TMEM163: variants seen among roughly 807,000 people sequenced by gnomAD.
The protein encoded by TMEM163 is transmembrane protein 163.
A neutral mutation model predicts 29.3 loss-of-function variants in TMEM163; 17 were observed. The observed-to-expected ratio is 0.58, with a 90% CI of 0.40 to 0.87. The LOEUF (loss-of-function observed/expected upper bound fraction) is 0.87. TMEM163 is among the 40% of genes least tolerant of loss of function. TMEM163 has a pLI of 0.00. For synonymous variants in TMEM163, 157 were observed against 160.6 expected, an observed-to-expected ratio of 0.98 and a Z score of 0.17; for missense variants, 303 against 381.5, an observed-to-expected ratio of 0.79 and a Z score of 1.71.
chr2:134,678,460 C>A (rs145103740), intron 2 of TMEM163, among the ~76,000 whole-genome samples: 337 of 152,338 alleles, frequency 2.2e-3, no homozygotes, highest in Non-Finnish European at 2.6e-3. Flanking sequence ...AGGCTTTTGT[C>A]TTTCTGTAAA....
intron 1 of TMEM163, 36 bp downstream of exon 1, chr2:134,718,679 GCGGGCCCCGAGCAGCCACC>G (rs1281448003): frequency 9.0e-7 from 1 of 1,106,706 alleles, no homozygotes; most frequent in Non-Finnish European, 1.1e-6. Context: ...GTGGGGAGAG[GCGGGCCCCGAGCAGCCACC>G]CCGGTCGCCG....
At chr2:134,491,370 G>GT (rs1679426836) in intron 5 of TMEM163, among the ~76,000 whole-genome samples, 1 of 152,084 alleles carries the variant, frequency 6.6e-6, no homozygotes, top group Non-Finnish European at 1.5e-5. Flanking sequence ...GGGGTGGGGA[G>GT]TTCACCCCAT....
chr2:134,455,992 ATTATAT>A lies in TMEM163; in HGVS notation c.*718_*723del, dbSNP rs901418672. On this transcript the variant is annotated 3_prime_UTR_variant, in exon 8 of 8. Coordinates refer to ENST00000281924, the MANE Select transcript of TMEM163 (RefSeq NM_030923.5). ...TATAGATATATGCATATACGGATAG[ATTATAT>A]TTATTTATTACAAATAAACTGTAGT... is the stretch of plus-strand genomic sequence containing the variant. 11 of 152,688 alleles carry A rather than the reference ATTATAT, an allele frequency of 7.2e-5. No homozygotes were observed. The highest frequency in any genetic ancestry group is 7.3e-5 in the Non-Finnish European group (5 of 68,108). 9.5% of individuals were successfully genotyped at this position (152,688 alleles called of 1,614,324 possible). A position where few individuals can be genotyped will look rare whatever the true frequency, so the allele number is the denominator to read the frequency against.
At chr2:134,631,658 G>A (rs60911848) in intron 2 of TMEM163, among the ~76,000 whole-genome samples, 13,059 of 152,186 alleles carry the variant, frequency 0.086, 640 homozygotes, top group South Asian at 0.17. Context: ...TGGGTTCTTC[G>A]TGTTCCATCA....
chr2:134,576,363 C>T (rs1161696219), intron 2 of TMEM163, among the ~76,000 whole-genome samples: 1 of 152,150 alleles, frequency 6.6e-6, no homozygotes, highest in African/African-American at 2.4e-5. Context: ...GCCACAAGGG[C>T]CTGGTATGGC....
intron 2 of TMEM163, among the ~76,000 whole-genome samples, chr2:134,605,327 A>C (rs1472331545): frequency 6.6e-6 from 1 of 152,216 alleles, no homozygotes; most frequent in Non-Finnish European, 1.5e-5. Context: ...AGAGCAAAGA[A>C]ACATGTGCAG....
intron 2 of TMEM163, among the ~76,000 whole-genome samples, chr2:134,617,251 AC>A (rs1237811224): frequency 1.3e-5 from 2 of 152,186 alleles, no homozygotes; most frequent in Non-Finnish European, 2.9e-5. Context: ...AGATTATGAT[AC>A]ACTAAAATGC....
chr2:134,662,764 C>T (rs1683784418), intron 2 of TMEM163, among the ~76,000 whole-genome samples: 2 of 152,176 alleles, frequency 1.3e-5, no homozygotes, highest in African/African-American at 4.8e-5. Flanking sequence ...GAGTGAGGAA[C>T]AGCCAGGAGC....
intron 6 of TMEM163, among the ~76,000 whole-genome samples, chr2:134,465,233 C>T (rs13408627): frequency 3.3e-5 from 3 of 91,510 alleles, no homozygotes; most frequent in East Asian, 1.0e-3. Context: ...TATATATATA[C>T]ACACACACAT....
In TMEM163 at chr2:134,718,750, G is replaced by A; in HGVS notation, c.186C>T (p.Asp62=). Residue 62 remains aspartate, a synonymous_variant, in exon 1 of 8, where the codon GAC becomes GAT. Coordinates refer to ENST00000281924, the MANE Select transcript of TMEM163 (RefSeq NM_030923.5). ...CGCGCTCACCTCGGTCCTCCAGCCCGTCGCTGAACTGGCCGCTCTCGCTGA... is the reference window on the plus strand; with the variant it reads ...CGCGCTCACCTCGGTCCTCCAGCCCATCGCTGAACTGGCCGCTCTCGCTGA... ...VRISESGQFS[D]GLEDRGLLES... The A allele has an allele frequency of 1.7e-6, 2 of 1,153,440 alleles. No individual in the cohort carries two copies. Among genetic ancestry groups the A allele is most frequent in the Non-Finnish European group, 2.1e-6 (2 of 938,052 alleles). 71.5% of individuals were successfully genotyped at this position (1,153,440 alleles called of 1,614,324 possible). A position where few individuals can be genotyped will look rare whatever the true frequency, so the allele number is the denominator to read the frequency against.
intron 2 of TMEM163, among the ~76,000 whole-genome samples, chr2:134,682,316 G>C (rs1684263925): frequency 6.6e-6 from 1 of 152,284 alleles, no homozygotes; most frequent in South Asian, 2.1e-4. Flanking sequence ...ACTTCACAAA[G>C]CTGCAACTTC....
intron 2 of TMEM163, among the ~76,000 whole-genome samples, chr2:134,623,810 G>T (rs1015745537): frequency 1.3e-5 from 2 of 151,858 alleles, no homozygotes; most frequent in Non-Finnish European, 1.5e-5. Flanking sequence ...CCAAAGAGGT[G>T]AAACAAATCT....
intron 5 of TMEM163, chr2:134,469,629 ATT>A (rs1686748506): frequency 1.9e-5 from 1 of 53,496 alleles, no homozygotes; most frequent in Non-Finnish European, 3.1e-5. Flanking sequence ...AGCCAGGCAC[ATT>A]CTGCATTCTG....
chr2:134,648,243 T>A (rs186482890), intron 2 of TMEM163, among the ~76,000 whole-genome samples: 3 of 152,050 alleles, frequency 2.0e-5, no homozygotes, highest in Non-Finnish European at 1.5e-5. Context: ...AAGCTATCCC[T>A]CTGAAGTCAA....
At chr2:134,562,256 A>T (rs1681199399) in intron 2 of TMEM163, among the ~76,000 whole-genome samples, 1 of 152,252 alleles carries the variant, frequency 6.6e-6, no homozygotes, top group South Asian at 2.1e-4. Context: ...AAAAGCGTGA[A>T]GTCAAGGGTT....
rs114686194 is a variant in TMEM163 at position 134,639,959 on chromosome 2, C to A, written c.322+73241G>T. ...TCACTTCTTTCCTGGACACAATGAG[C>A]ACTTACAATTCAATTTTCCTTAAAA... On this transcript the variant is annotated intron_variant, in intron 2 of 7. Transcript: ENST00000281924. 6.2e-3 allele frequency among the ~76,000 whole-genome samples: 951 copies of A among 152,196 alleles called. 10 individuals are homozygous for A. The highest frequency in any genetic ancestry group is 0.022 in the African/African-American group (914 of 41,522).
chr2:134,460,699 G>C lies in TMEM163; in HGVS notation c.668-2526C>G, dbSNP rs1686515872. ...AGAGGCAAAAGCGTGAGGTTCCCCA[G>C]ACAGCCACTAGATGTCTGCTCAGCT... On this transcript the variant is annotated intron_variant, in intron 6 of 7. Coordinates refer to ENST00000281924, the MANE Select transcript of TMEM163 (RefSeq NM_030923.5). The surrounding 1 kb of genome is among the most constrained non-coding windows in gnomAD (Gnocchi z 4.3). Among the ~76,000 whole-genome samples the C allele has an allele frequency of 6.6e-6, 1 of 152,138 alleles. No homozygotes were observed.
chr2:134,574,871 C>A (rs962918144), intron 2 of TMEM163, among the ~76,000 whole-genome samples: 1 of 152,160 alleles, frequency 6.6e-6, no homozygotes, highest in Non-Finnish European at 1.5e-5. Context: ...GAAACCCAGG[C>A]CGTTAGGCTT....
At chr2:134,655,709 T>C (rs1438330731) in intron 2 of TMEM163, among the ~76,000 whole-genome samples, 2 of 141,640 alleles carry the variant, frequency 1.4e-5, no homozygotes, top group Non-Finnish European at 3.0e-5. Flanking sequence ...ATGATGGTGA[T>C]GTACAGATGG....
Sources: allele counts gnomAD v4.1 joint callset (sites outside exome capture counted in the v4.1 genomes callset), GRCh38; gene constraint gnomAD v4.1.1; non-coding constraint Gnocchi (gnomAD v3.1); transcripts MANE v1.5; gene names NCBI Gene and HGNC (gene_info 2026-07-23, HGNC 2026-07-21).